WDR33: variants seen among roughly 807,000 people sequenced by gnomAD.
WDR33 encodes WD repeat domain 33.
Under a neutral mutation model 164.9 loss-of-function variants are expected in WDR33, and 47 were observed. The observed-to-expected ratio is 0.29, with a 90% CI of 0.23 to 0.36. The LOEUF is 0.36. WDR33 is among the 10% of genes least tolerant of loss of function. The pLI, the probability that WDR33 is intolerant of heterozygous loss-of-function variation, is 1.00. For missense variants in WDR33, 1,137 were observed against 1,754.1 expected (o/e 0.65, Z 6.28); for synonymous variants, 505 against 589.0 (o/e 0.86, Z 2.06).
intron 1 of WDR33, among the ~76,000 whole-genome samples, chr2:127,808,870 A>T (rs1440067499): frequency 1.3e-5 from 2 of 152,172 alleles, no homozygotes; most frequent in Admixed American, 1.3e-4. Flanking sequence ...CTCTACTAAA[A>T]ATACAAAAAA....
At chr2:127,785,620 G>A (rs1688536752) in intron 1 of WDR33, among the ~76,000 whole-genome samples, 1 of 152,068 alleles carries the variant, frequency 6.6e-6, no homozygotes, top group African/African-American at 2.4e-5. Context: ...ATGCATTTAA[G>A]GTTCCTGCAT....
At chr2:127,769,558 CAG>C (rs1225400143) in intron 2 of WDR33, among the ~76,000 whole-genome samples, 1 of 152,194 alleles carries the variant, frequency 6.6e-6, no homozygotes, top group East Asian at 1.9e-4. Context: ...AAGGAAACAG[CAG>C]AGAGGGTAGA....
chr2:127,788,103 C>A (rs1688666415), intron 1 of WDR33, among the ~76,000 whole-genome samples: 1 of 95,542 alleles, frequency 1.0e-5, no homozygotes, highest in African/African-American at 5.2e-5. Context: ...GACGGGGCGG[C>A]TGGCCGGGCT....
chr2:127,808,330 G>C (rs1188104882), intron 1 of WDR33, among the ~76,000 whole-genome samples: 1 of 152,194 alleles, frequency 6.6e-6, no homozygotes, highest in East Asian at 1.9e-4. Flanking sequence ...TTAATGGTGA[G>C]CCTGGCATTC....
In WDR33 at chr2:127,702,380, C is replaced by T; in HGVS notation, c.*3943G>A. On this transcript the variant is annotated 3_prime_UTR_variant, in exon 22 of 22. Transcript: ENST00000322313. ...AGCTCCTCGATGTCAGCTTTTTGTG[C>T]TGGACTTGGCACACGCTCTGAAAAC... 1 of 365,288 alleles carries T rather than the reference C, an allele frequency of 2.7e-6. No homozygotes were observed. The highest frequency in any genetic ancestry group is 4.8e-6 in the Non-Finnish European group (1 of 208,636). The allele number at this position is 365,288 out of a possible 1,614,324, so 22.6% of individuals were successfully genotyped here. A position where few individuals can be genotyped will look rare whatever the true frequency, so the allele number is the denominator to read the frequency against.
intron 1 of WDR33, among the ~76,000 whole-genome samples, chr2:127,804,158 A>G (rs1465391397): frequency 6.6e-6 from 1 of 151,912 alleles, no homozygotes; most frequent in Non-Finnish European, 1.5e-5. Context: ...TGTCTCTACT[A>G]AAAATACAAA....
rs1686378722 is a variant in WDR33, at chr2:127,719,527, A to G, written c.2498T>C (p.Ile833Thr). Residue 833 changes from isoleucine (I) to threonine (T), a missense_variant, in exon 16 of 22, where the codon ATC becomes ACC. Around this residue, in one of 9 missense-constraint regions of WDR33, gnomAD observed 867 missense variants for 1,073.0 expected, o/e 0.81. Coordinates refer to ENST00000322313, the MANE Select transcript of WDR33 (RefSeq NM_018383.5). This position sits in a 1 kb window ranked among gnomAD's most constrained non-coding sequence, Gnocchi z 6.5. ...GPQEMRGPQE[I>T]RGMQGPPPQG... The stretch of plus-strand genomic sequence containing the variant: ...GGGTGGAGGCCCCTGCATGCCTCGG[A>G]TCTCCTGAGGACCTCTCATTTCCTG... The G allele has an allele frequency of 1.2e-6, 2 of 1,612,814 alleles. No individual in the cohort carries two copies. The highest frequency in any genetic ancestry group is 1.7e-6 in the Non-Finnish European group (2 of 1,179,622).
intron 7 of WDR33, among the ~76,000 whole-genome samples, chr2:127,731,512 T>C (rs1573895852): frequency 6.6e-6 from 1 of 152,154 alleles, no homozygotes; most frequent in African/African-American, 2.4e-5. Flanking sequence ...ATTTACCCTA[T>C]GACTGCAAAA....
rs780773185 is a variant in WDR33 at position 127,726,783 on chromosome 2, G to A, written c.725-6C>T. The A allele has an allele frequency of 2.3e-5, 37 of 1,613,364 alleles. No individual in the cohort carries two copies. The highest frequency in any genetic ancestry group is 4.5e-5 in the East Asian group (2 of 44,878). On this transcript the variant is annotated splice_polypyrimidine_tract_variant and splice_region_variant and intron_variant, in intron 7 of 21. Transcript: ENST00000322313. This position sits in a 1 kb window ranked among gnomAD's most constrained non-coding sequence, Gnocchi z 4.8. ...TTTCACATCAGCACCATGCCCTGTC[G>A]GAAACAAGTTAGGATTAAAACCTAA... is the stretch of plus-strand genomic sequence containing the variant.
chr2:127,750,650 TAAAAAAAAAAAAAAAA>T (rs1174539929), intron 7 of WDR33, among the ~76,000 whole-genome samples: 3 of 14,960 alleles, frequency 2.0e-4, no homozygotes, highest in African/African-American at 5.5e-4. Flanking sequence ...AACTCCATCT[TAAAAAAAAAAAAAAAA>T]AAAAAAAAAA....
Position 127,711,778 on chromosome 2 carries a change from ATATT to A in WDR33, c.3308+1801_3308+1804del, listed in dbSNP as rs1337426158. Among the ~76,000 whole-genome samples the A allele has an allele frequency of 7.4e-4, 69 of 93,036 alleles. 3 individuals carry two copies. The highest frequency in any genetic ancestry group is 3.4e-3 in the African/African-American group (58 of 16,908). 61.0% of individuals were successfully genotyped at this position (93,036 alleles called of 152,430 possible). Reference sequence around the variant, plus strand: ...TATATATATATATATATATATATATATATTTTTTTTTTGAGACAGAGTCTCGCCC... The same window carrying A: ...TATATATATATATATATATATATATATTTTTTTTGAGACAGAGTCTCGCCC... On this transcript the variant is annotated intron_variant, in intron 18 of 21. Coordinates refer to ENST00000322313, the MANE Select transcript of WDR33 (RefSeq NM_018383.5).
intron 4 of WDR33, among the ~76,000 whole-genome samples, chr2:127,765,510 C>T (rs929804787): frequency 2.6e-5 from 4 of 152,080 alleles, no homozygotes; most frequent in South Asian, 2.1e-4. Flanking sequence ...TATGAGTATA[C>T]GCACCTACTC....
chr2:127,774,299 G>A (rs535490494), intron 1 of WDR33, among the ~76,000 whole-genome samples: 89 of 151,732 alleles, frequency 5.9e-4, no homozygotes, highest in African/African-American at 1.9e-3. Flanking sequence ...TGATCCGCCC[G>A]CCTCAGTTTC....
intron 1 of WDR33, among the ~76,000 whole-genome samples, chr2:127,806,339 C>G (rs142660765): frequency 0.015 from 2,204 of 151,570 alleles, 44 homozygotes; most frequent in African/African-American, 0.05. Context: ...TCCCGAGTAG[C>G]TGGGACTACA....
chr2:127,756,076 G>A lies in WDR33; in HGVS notation c.724+6986C>T, dbSNP rs1035028268. Among the ~76,000 whole-genome samples, 21 of 152,240 alleles carry A rather than the reference G, an allele frequency of 1.4e-4. No homozygotes were observed. In the East Asian group the frequency reaches 3.9e-3, roughly 28 times the overall value. ...TGGCCAGGCACAGTGGCTCACACCC[G>A]TAATGACTACACTTTGGGAGGCTGA... On this transcript the variant is annotated intron_variant, in intron 7 of 21. Coordinates refer to ENST00000322313, the MANE Select transcript of WDR33 (RefSeq NM_018383.5).
chr2:127,755,438 T>C (rs1192830181), intron 7 of WDR33, among the ~76,000 whole-genome samples: 1 of 152,216 alleles, frequency 6.6e-6, no homozygotes, highest in African/African-American at 2.4e-5. Flanking sequence ...TCTACCATGA[T>C]CCACAAATTA....
chr2:127,796,464 G>A (rs1340583186), intron 1 of WDR33, among the ~76,000 whole-genome samples: 2 of 151,966 alleles, frequency 1.3e-5, no homozygotes, highest in Non-Finnish European at 2.9e-5. Context: ...TATAATCCCA[G>A]CACTTTGGGA....
intron 7 of WDR33, among the ~76,000 whole-genome samples, chr2:127,744,219 C>T (rs1687105167): frequency 6.6e-6 from 1 of 152,110 alleles, no homozygotes; most frequent in South Asian, 2.1e-4. Flanking sequence ...ATGTTCATAC[C>T]CTTTGCTCCA....
chr2:127,732,766 T>C (rs1160748297), intron 7 of WDR33, among the ~76,000 whole-genome samples: 1 of 152,174 alleles, frequency 6.6e-6, no homozygotes, highest in Non-Finnish European at 1.5e-5. Context: ...AGTTTCAAGA[T>C]ACTGTGGGTT....
Sources: gnomAD v4.1 joint callset for allele counts (sites outside exome capture counted in the v4.1 genomes callset) on GRCh38, gnomAD v4.1.1 for gene constraint, gnomAD v4.1.1 regional missense constraint, Gnocchi (gnomAD v3.1) non-coding constraint, MANE v1.5 for transcripts, NCBI Gene and HGNC (gene_info 2026-07-23, HGNC 2026-07-21) for gene names.